Variants in GARIN1A observed in about 807,000 individuals in gnomAD.
GARIN1A encodes golgi associated RAB2 interactor 1A, also known as Golgi-associated RAB2 interactor protein 1A.
the GARIN1A span, chr7:128,675,963 G>A: frequency 1.4e-5 from 10 of 740,478 alleles, no homozygotes; most frequent in African/African-American, 1.7e-4. Flanking sequence ...GTTCTTTAGT[G>A]CATAAACCCT....
At chr7:128,703,190 T>G in the GARIN1A span, among the ~76,000 whole-genome samples, 1 of 152,180 alleles carries the variant, frequency 6.6e-6, no homozygotes, top group Non-Finnish European at 1.5e-5. Flanking sequence ...ATCAAACAAC[T>G]AGACTTAATT....
the GARIN1A span, among the ~76,000 whole-genome samples, chr7:128,706,050 A>G: frequency 2.0e-5 from 3 of 151,482 alleles, no homozygotes; most frequent in Admixed American, 6.6e-5. Context: ...TCTCTCTCTC[A>G]TCAGTATGAC....
At chr7:128,677,951 AG>A in the GARIN1A span, 1 of 696,808 alleles carries the variant, frequency 1.4e-6, no homozygotes. Flanking sequence ...ATTTCTATTC[AG>A]TAGTATGAAT....
the GARIN1A span, among the ~76,000 whole-genome samples, chr7:128,704,226 G>T: frequency 6.6e-6 from 1 of 151,652 alleles, no homozygotes; most frequent in African/African-American, 2.4e-5. Context: ...CAGATGGAGG[G>T]TGGGGGGGCG....
chr7:128,677,736 A>G, the GARIN1A span: 6 of 1,613,896 alleles, frequency 3.7e-6, no homozygotes, highest in East Asian at 1.1e-4. Flanking sequence ...AGGCCTGTCC[A>G]TCACCACCAA....
chr7:128,677,941 A>C, the GARIN1A span: 1 of 781,934 alleles, frequency 1.3e-6, no homozygotes, highest in South Asian at 2.1e-5. Context: ...CATTTTGATA[A>C]TTTCTATTCA....
chr7:128,687,196 T>G, the GARIN1A span: 1 of 152,282 alleles, frequency 6.6e-6, no homozygotes, highest in Non-Finnish European at 1.5e-5. Context: ...CCTTGTATTA[T>G]AGCATTTTTA....
chr7:128,683,069 C>CT, the GARIN1A span: 2 of 1,611,850 alleles, frequency 1.2e-6, no homozygotes, highest in Non-Finnish European at 1.7e-6. Context: ...CTGCCTTGAG[C>CT]CACAGCCTCT....
chr7:128,672,612 G>A, the GARIN1A span: 2 of 940,830 alleles, frequency 2.1e-6, no homozygotes, highest in East Asian at 6.3e-5. Context: ...CCTAGGGGTT[G>A]GTTAGGAGAT....
chr7:128,701,021 A>G, the GARIN1A span, among the ~76,000 whole-genome samples: 40 of 152,034 alleles, frequency 2.6e-4, no homozygotes, highest in Non-Finnish European at 4.9e-4. Flanking sequence ...GAACCAACTG[A>G]TAGGAAATGT....
chr7:128,689,736 G>T, the GARIN1A span, among the ~76,000 whole-genome samples: 2 of 147,022 alleles, frequency 1.4e-5, no homozygotes, highest in African/African-American at 4.9e-5. Flanking sequence ...CGTCCGGGAG[G>T]GAGGTGGGGG....
At chr7:128,672,542 T>C in the GARIN1A span, 1 of 1,608,952 alleles carries the variant, frequency 6.2e-7, no homozygotes, top group Non-Finnish European at 8.5e-7. Flanking sequence ...TGAAAGCAAC[T>C]TTATCCAGGT....
At chr7:128,672,545 A>G in the GARIN1A span, 2 of 1,601,584 alleles carry the variant, frequency 1.2e-6, no homozygotes, top group Non-Finnish European at 1.7e-6. Flanking sequence ...AAGCAACTTT[A>G]TCCAGGTACC....
At chr7:128,694,630 G>C in the GARIN1A span, among the ~76,000 whole-genome samples, 1 of 152,076 alleles carries the variant, frequency 6.6e-6, no homozygotes, top group Non-Finnish European at 1.5e-5. Flanking sequence ...ACTTTGATAG[G>C]ACAATTCTAT....
the GARIN1A span, among the ~76,000 whole-genome samples, chr7:128,676,763 C>T: frequency 6.6e-6 from 1 of 151,732 alleles, no homozygotes; most frequent in Non-Finnish European, 1.5e-5. Context: ...GAGAAAGAGT[C>T]CTAGAAACTG....
At chr7:128,672,260 A>C in the GARIN1A span, 2 of 646,356 alleles carry the variant, frequency 3.1e-6, no homozygotes, top group African/African-American at 1.9e-5. Flanking sequence ...AGGCCCTCCC[A>C]GCCCTGGTGG....
At chr7:128,674,361 G>T in the GARIN1A span, among the ~76,000 whole-genome samples, 1 of 152,136 alleles carries the variant, frequency 6.6e-6, no homozygotes. Flanking sequence ...CTGGCTTCAA[G>T]TGATACTCCG....
chr7:128,676,489 G>A, the GARIN1A span, among the ~76,000 whole-genome samples: 1 of 151,738 alleles, frequency 6.6e-6, no homozygotes, highest in African/African-American at 2.4e-5. Flanking sequence ...ACGTTTCCAT[G>A]TCTTTTAAAA....
chr7:128,671,899 C>T, the GARIN1A span, among the ~76,000 whole-genome samples: 1 of 151,958 alleles, frequency 6.6e-6, no homozygotes, highest in African/African-American at 2.4e-5. Flanking sequence ...GATGAACTCC[C>T]TTTTTCCTAT....
Sources: gnomAD v4.1 joint callset for allele counts (sites outside exome capture counted in the v4.1 genomes callset) on GRCh38, gnomAD v4.1.1 for gene constraint, MANE v1.5 for transcripts, NCBI Gene and HGNC (gene_info 2026-07-23, HGNC 2026-07-21) for gene names.